SLC36A4: variants seen among roughly 807,000 people sequenced by gnomAD.
SLC36A4 encodes the protein solute carrier family 36 member 4.
In SLC36A4, 49 loss-of-function variants were observed where a neutral mutation model predicts 50.5. That is an observed-to-expected ratio of 0.97 (90% CI 0.77 to 1.23). SLC36A4 has a LOEUF of 1.23. SLC36A4 is among the 50% of genes most tolerant of loss of function. SLC36A4 has a pLI of 0.00. For missense variants in SLC36A4, 611 were observed against 608.4 expected (o/e 1.00, Z -0.05); for synonymous variants, 207 against 206.5 (o/e 1.00, Z -0.02).
chr11:93,182,685 C>T (rs1861787880), intron 4 of SLC36A4, 121 bp downstream of exon 4: 1 of 570,310 alleles, frequency 1.8e-6, no homozygotes, highest in African/African-American at 1.9e-5. Context: ...ATATTCATTA[C>T]CTTAGATTTA....
chr11:93,167,915 G>T, intron 7 of SLC36A4, 29 bp downstream of exon 7: 1 of 1,454,830 alleles, frequency 6.9e-7, no homozygotes, highest in Non-Finnish European at 9.4e-7. Flanking sequence ...AGAAAGATAA[G>T]AACTTAGTTA....
Position 93,160,264 on chromosome 11 carries a change from G to A in SLC36A4, c.1037+2442C>T, listed in dbSNP as rs1274034360. ...TAGGGCATATCTCCACAGTGCAAAG[G>A]CATTAACCAATGCAAATTCTCTAAA... On this transcript the variant is annotated intron_variant, in intron 9 of 10. Transcript: ENST00000326402. 5 of 985,366 alleles carry A rather than the reference G, an allele frequency of 5.1e-6. No homozygotes were observed. In the East Asian group the frequency reaches 3.4e-4, roughly 67 times the overall value. The allele number at this position is 985,366 out of a possible 1,614,324, so 61.0% of individuals were successfully genotyped here. A position where few individuals can be genotyped will look rare whatever the true frequency, so the allele number is the denominator to read the frequency against.
At chr11:93,191,317 G>C (rs1483648382) in intron 1 of SLC36A4, among the ~76,000 whole-genome samples, 1 of 152,190 alleles carries the variant, frequency 6.6e-6, no homozygotes. Context: ...TGGTCACAAG[G>C]CTGAGTGGGG....
chr11:93,171,072 T>C (rs1346788156), intron 6 of SLC36A4: 2 of 152,022 alleles, frequency 1.3e-5, no homozygotes, highest in African/African-American at 4.8e-5. Context: ...AAATCTCTGA[T>C]TGCATGCTGC....
At position 93,148,238 on chromosome 11, in the gene SLC36A4, T is replaced by C; in HGVS notation, c.*299A>G. 4.4e-6 allele frequency: 1 copy of C among 227,176 alleles called. No homozygotes were observed. The allele number at this position is 227,176 out of a possible 1,614,324, so 14.1% of individuals were successfully genotyped here. A position where few individuals can be genotyped will look rare whatever the true frequency, so the allele number is the denominator to read the frequency against. On this transcript the variant is annotated 3_prime_UTR_variant, in exon 11 of 11. Transcript: ENST00000326402. ...TAAAAGAGAGATAACTTGGTTAAGG[T>C]ATTTCTTACTGAGATAAAAGAATAA...
intron 9 of SLC36A4, among the ~76,000 whole-genome samples, chr11:93,161,452 A>C (rs997100001): frequency 6.6e-6 from 1 of 152,238 alleles, no homozygotes; most frequent in African/African-American, 2.4e-5. Flanking sequence ...TTGTAATTTA[A>C]AAATACAGAC....
intron 6 of SLC36A4, among the ~76,000 whole-genome samples, chr11:93,176,449 T>C (rs920175274): frequency 2.0e-5 from 3 of 152,180 alleles, no homozygotes; most frequent in Non-Finnish European, 4.4e-5. Context: ...TCCATTTACA[T>C]TTAAAGTTAA....
chr11:93,154,519 T>G (rs575987605), intron 9 of SLC36A4: 1 of 215,846 alleles, frequency 4.6e-6, no homozygotes, highest in African/African-American at 2.3e-5. Flanking sequence ...GTTTAGGGTA[T>G]AGTGGTAAAA....
intron 1 of SLC36A4, among the ~76,000 whole-genome samples, chr11:93,188,257 A>G (rs1243680854): frequency 1.3e-5 from 2 of 152,194 alleles, no homozygotes; most frequent in African/African-American, 2.4e-5. Flanking sequence ...ATGTGTTGAG[A>G]GATCAGGATT....
intron 9 of SLC36A4, among the ~76,000 whole-genome samples, chr11:93,158,019 G>T (rs987372239): frequency 6.6e-6 from 1 of 152,114 alleles, no homozygotes; most frequent in Non-Finnish European, 1.5e-5. Flanking sequence ...ACAAGAGTAA[G>T]AAGAAATTTA....
chr11:93,183,713 T>G (rs544721525), intron 3 of SLC36A4, among the ~76,000 whole-genome samples: 1 of 152,096 alleles, frequency 6.6e-6, no homozygotes, highest in African/African-American at 2.4e-5. Flanking sequence ...TATTTTTTTT[T>G]TTGAGACAGA....
At chr11:93,183,214 A>G (rs1054702983) in intron 3 of SLC36A4, among the ~76,000 whole-genome samples, 2 of 152,210 alleles carry the variant, frequency 1.3e-5, no homozygotes, top group Non-Finnish European at 2.9e-5. Context: ...ACCCACCATT[A>G]TAATTATATG....
rs185155838 is a variant in SLC36A4, at chr11:93,152,903, T to C, written c.1207+1205A>G. Among the ~76,000 whole-genome samples, 15 of 152,274 alleles carry C rather than the reference T, an allele frequency of 9.9e-5. No individual in the cohort carries two copies. The East Asian group carries it at 2.9e-3, about 29-fold the overall frequency. On this transcript the variant is annotated intron_variant, in intron 10 of 10. Coordinates refer to ENST00000326402, the MANE Select transcript of SLC36A4 (RefSeq NM_152313.4). The stretch of plus-strand genomic sequence containing the variant: ...ATAAATGTATAAAAATACTTCAAAA[T>C]GTCTTAAAATATCTTTTTCCTACTG...
rs1338596573 is a variant in SLC36A4 at position 93,148,294 on chromosome 11, CATTTTA to C, written c.*237_*242del. ...GTATTTTTATTCTTTAATTTTTTTA[CATTTTA>C]ATTTTTTCAATTTTCAGAACTTAAT... is the stretch of plus-strand genomic sequence containing the variant. On this transcript the variant is annotated 3_prime_UTR_variant, in exon 11 of 11. Transcript: ENST00000326402. 2 of 306,440 alleles carry C rather than the reference CATTTTA, an allele frequency of 6.5e-6. No individual in the cohort carries two copies. Among genetic ancestry groups the C allele is most frequent in the East Asian group, 1.4e-4 (2 of 14,418 alleles). 19.0% of individuals were successfully genotyped at this position (306,440 alleles called of 1,614,324 possible).
intron 9 of SLC36A4, chr11:93,160,232 G>A: frequency 1.0e-6 from 1 of 985,346 alleles, no homozygotes; most frequent in Non-Finnish European, 1.2e-6. Flanking sequence ...ACAGACTATA[G>A]GCTGCATAGG....
Position 93,165,902 on chromosome 11 carries a change from A to C in SLC36A4, c.867+16T>G, listed in dbSNP as rs575169784. Reference sequence around the variant, plus strand: ...ATTAAGATTTTAAAAAATAATAATAAAGACTAAATTCTTACCACTCCTATG... The same window carrying C: ...ATTAAGATTTTAAAAAATAATAATACAGACTAAATTCTTACCACTCCTATG... On this transcript the variant is annotated intron_variant, in intron 8 of 10. Coordinates refer to ENST00000326402, the MANE Select transcript of SLC36A4 (RefSeq NM_152313.4). 6.4e-5 allele frequency: 94 copies of C among 1,478,154 alleles called. 1 individual carries two copies. The East Asian group carries it at 2.0e-3, about 32-fold the overall frequency. 91.6% of individuals were successfully genotyped at this position (1,478,154 alleles called of 1,614,324 possible).
At position 93,181,776 on chromosome 11, in the gene SLC36A4, A is replaced by C; in HGVS notation, c.370T>G (p.Ser124Ala). ...ACAGTGTCACTATAACCTAATGTTG[A>C]CTTTTTAAACCTGTAATTTAATGAC... is the stretch of plus-strand genomic sequence containing the variant. ...SHFLCLRFKK[S>A]TLGYSDTVSF... Residue 124 changes from serine to alanine, a missense_variant, in exon 5 of 11, where the codon TCA becomes GCA. Coordinates refer to ENST00000326402, the MANE Select transcript of SLC36A4 (RefSeq NM_152313.4). The C allele has an allele frequency of 6.4e-7, 1 of 1,556,014 alleles. No homozygotes were observed. Among genetic ancestry groups the C allele is most frequent in the Non-Finnish European group, 8.7e-7 (1 of 1,147,062 alleles).
chr11:93,165,906 C>A lies in SLC36A4; in HGVS notation c.867+12G>T. ...AGATTTTAAAAAATAATAATAAAGA[C>A]TAAATTCTTACCACTCCTATGCCTT... On this transcript the variant is annotated intron_variant, in intron 8 of 10. Coordinates refer to ENST00000326402, the MANE Select transcript of SLC36A4 (RefSeq NM_152313.4). 2 of 1,521,172 alleles carry A rather than the reference C, an allele frequency of 1.3e-6. No individual in the cohort carries two copies. Among genetic ancestry groups the A allele is most frequent in the Non-Finnish European group, 9.0e-7 (1 of 1,111,954 alleles). The allele number at this position is 1,521,172 out of a possible 1,614,324, so 94.2% of individuals were successfully genotyped here.
intron 1 of SLC36A4, among the ~76,000 whole-genome samples, chr11:93,190,486 C>A (rs1443957465): frequency 6.6e-6 from 1 of 152,072 alleles, no homozygotes; most frequent in Non-Finnish European, 1.5e-5. Context: ...CTTATGTACT[C>A]CACAAATACG....
Sources: allele counts gnomAD v4.1 joint callset (sites outside exome capture counted in the v4.1 genomes callset), GRCh38; gene constraint gnomAD v4.1.1; transcripts MANE v1.5; gene names NCBI Gene and HGNC (gene_info 2026-07-23, HGNC 2026-07-21).